The following PRPF19 variants were observed in gnomAD, a reference collection of about 807,000 sequenced individuals.
The protein encoded by PRPF19 is pre-mRNA processing factor 19, also known as pre-mRNA-processing factor 19.
In PRPF19, 2 loss-of-function variants were observed where a neutral mutation model predicts 64.2. The observed-to-expected ratio is 0.03, with a 90% CI of 0.01 to 0.10. PRPF19 has a LOEUF of 0.10. PRPF19 is among the 10% of genes least tolerant of loss of function. The pLI, the probability that PRPF19 is intolerant of heterozygous loss-of-function variation, is 1.00. For synonymous variants in PRPF19, 226 were observed against 251.6 expected (o/e 0.90, Z 0.96); for missense variants, 314 against 650.0 (o/e 0.48, Z 5.62).
At chr11:60,892,481 T>C (rs564517405) in intron 15 of PRPF19, among the ~76,000 whole-genome samples, 2 of 152,302 alleles carry the variant, frequency 1.3e-5, no homozygotes, top group African/African-American at 4.8e-5. Flanking sequence ...TGGTTCAACT[T>C]GCAATATTTT....
At position 60,898,688 on chromosome 11, in the gene PRPF19, C is replaced by A; in HGVS notation, c.1055-62G>T. ...CACCAGGGAGAGAGACTAAGAGCAGCAAAGGTAGGTTCCTTGTTCTTCACA... is the reference window on the plus strand; with the variant it reads ...CACCAGGGAGAGAGACTAAGAGCAGAAAAGGTAGGTTCCTTGTTCTTCACA... On this transcript the variant is annotated intron_variant, in intron 12 of 15. Coordinates refer to ENST00000227524, the MANE Select transcript of PRPF19 (RefSeq NM_014502.5). This position sits in a 1 kb window ranked among gnomAD's most constrained non-coding sequence, Gnocchi z 4.6. The A allele has an allele frequency of 6.2e-7, 1 of 1,610,848 alleles. No individual in the cohort carries two copies.
chr11:60,890,599 AAG>A lies in PRPF19; in HGVS notation c.*565_*566del. The A allele has an allele frequency of 3.2e-6, 1 of 313,372 alleles. No individual in the cohort carries two copies. Among genetic ancestry groups the A allele is most frequent in the Non-Finnish European group, 6.4e-6 (1 of 156,982 alleles). 19.4% of individuals were successfully genotyped at this position (313,372 alleles called of 1,614,324 possible). On this transcript the variant is annotated 3_prime_UTR_variant, in exon 16 of 16. Coordinates refer to ENST00000227524, the MANE Select transcript of PRPF19 (RefSeq NM_014502.5). ...TGCTGTGCAATTAAAAAAAAAAAAA[AAG>A]GGTAAGAGCTGTGAAAGGAAAGGAA...
chr11:60,904,918 T>TA (rs1373509101), intron 1 of PRPF19, among the ~76,000 whole-genome samples: 4 of 152,190 alleles, frequency 2.6e-5, no homozygotes, highest in Admixed American at 6.5e-5. Context: ...TAATACCCTT[T>TA]AGTCTTCCTA....
At chr11:60,891,396 G>C in intron 15 of PRPF19, 133 bp from the exon 16 acceptor site, 1 of 693,062 alleles carries the variant, frequency 1.4e-6, no homozygotes, top group Non-Finnish European at 2.5e-6. Context: ...GCTCCTGTTT[G>C]TTTTCCCTAG....
In PRPF19 at chr11:60,898,985, T is replaced by C. The variant is rs1171676927; in HGVS notation, c.985-54A>G. On this transcript the variant is annotated intron_variant, in intron 11 of 15. Coordinates refer to ENST00000227524, the MANE Select transcript of PRPF19 (RefSeq NM_014502.5). The surrounding 1 kb of genome is among the most constrained non-coding windows in gnomAD (Gnocchi z 4.6). ...CAGTGAGAAAGTGGGTCCCAGGTTCTGGTGGCCCTTCAGCAAGACAGAGCC... is the reference window on the plus strand; with the variant it reads ...CAGTGAGAAAGTGGGTCCCAGGTTCCGGTGGCCCTTCAGCAAGACAGAGCC... The C allele has an allele frequency of 6.5e-7, 1 of 1,528,680 alleles. No individual in the cohort carries two copies. Among genetic ancestry groups the C allele is most frequent in the Non-Finnish European group, 8.9e-7 (1 of 1,125,128 alleles). The allele number at this position is 1,528,680 out of a possible 1,614,324, so 94.7% of individuals were successfully genotyped here.
In PRPF19 at chr11:60,902,733, G is replaced by C; in HGVS notation, c.388+7C>G. On this transcript the variant is annotated splice_region_variant and intron_variant, in intron 4 of 15. Coordinates refer to ENST00000227524, the MANE Select transcript of PRPF19 (RefSeq NM_014502.5). The surrounding 1 kb of genome is among the most constrained non-coding windows in gnomAD (Gnocchi z 5.0). The stretch of plus-strand genomic sequence containing the variant: ...CAGGGTGGGGGATGGCAGGGGAGAG[G>C]CTGCACCTTCTCGGGCAGCAGTGAC... The C allele has an allele frequency of 6.2e-7, 1 of 1,614,204 alleles. No individual in the cohort carries two copies. Among genetic ancestry groups the C allele is most frequent in the Admixed American group, 1.7e-5 (1 of 60,028 alleles).
rs535292064 is a variant in PRPF19, at chr11:60,901,320, T to C, written c.617A>G (p.Lys206Arg). ...CACGTGGGATGCCACCTGCCGGTAT[T>C]TGCTGAGCTCTTCTGGCTTCACCAG... Reference protein sequence around the residue: ...EELVKPEELSKYRQVASHVGL... With the variant: ...EELVKPEELSRYRQVASHVGL... Residue 206 changes from lysine (K) to arginine (R), a missense_variant, in exon 8 of 16, where the codon AAA becomes AGA. Lys to Arg is a conservative substitution (Grantham distance 26, BLOSUM62 2). Transcript: ENST00000227524. 22 of 1,614,060 alleles carry C rather than the reference T, an allele frequency of 1.4e-5. No individual in the cohort carries two copies. Among genetic ancestry groups the C allele is most frequent in the South Asian group, 2.2e-5 (2 of 91,082 alleles).
At chr11:60,904,986 G>C (rs935080202) in intron 1 of PRPF19, among the ~76,000 whole-genome samples, 2 of 152,176 alleles carry the variant, frequency 1.3e-5, no homozygotes, top group African/African-American at 4.8e-5. Flanking sequence ...CAACTGATTA[G>C]CGTACAGACA....
Position 60,898,430 on chromosome 11 carries a change from C to A in PRPF19, c.1140+111G>T. ...CACCATCATATCACACACGCACAGC[C>A]AGTGTCTCTCCACCTTCAGGGCCAG... is the stretch of plus-strand genomic sequence containing the variant. On this transcript the variant is annotated intron_variant, in intron 13 of 15. Coordinates refer to ENST00000227524, the MANE Select transcript of PRPF19 (RefSeq NM_014502.5). The surrounding 1 kb of genome is among the most constrained non-coding windows in gnomAD (Gnocchi z 4.6). 2 of 1,561,444 alleles carry A rather than the reference C, an allele frequency of 1.3e-6. No individual in the cohort carries two copies. Among genetic ancestry groups the A allele is most frequent in the Admixed American group, 1.8e-5 (1 of 55,198 alleles).
At chr11:60,904,643 TATTA>T (rs1415226164) in intron 1 of PRPF19, among the ~76,000 whole-genome samples, 22 of 68,852 alleles carry the variant, frequency 3.2e-4, no homozygotes, top group Non-Finnish European at 7.9e-4. Context: ...TTGTAAAGGA[TATTA>T]CAAAGGATAC....
chr11:60,902,439 A>G lies in PRPF19; in HGVS notation c.489T>C (p.Gly163=), dbSNP rs762733296. 5 of 1,613,928 alleles carry G rather than the reference A, an allele frequency of 3.1e-6. No individual in the cohort carries two copies. The Admixed American group carries it at 8.3e-5, about 27-fold the overall frequency. ...TCTCTGGGGTCATTCCCACCAGCTC[A>G]CCCAAATCCATTGGCTCACCCGCAC... ...VVGAGEPMDL[G]ELVGMTPEII... Residue 163 remains glycine, a synonymous_variant, in exon 6 of 16, where the codon GGT becomes GGC. Transcript: ENST00000227524. The surrounding 1 kb of genome is among the most constrained non-coding windows in gnomAD (Gnocchi z 5.0).
rs377348006 is a variant in PRPF19, at chr11:60,891,256, G to A, written c.1425C>T (p.Ser475=). The A allele has an allele frequency of 1.6e-4, 264 of 1,613,156 alleles. 1 individual carries two copies. The South Asian group carries it at 1.9e-3, about 12-fold the overall frequency. ...CGAAGGCCACCCCTGTGGTCAGGCCGCTATGCTCTGAGGAGAAAGATAAGA... is the reference window on the plus strand; with the variant it reads ...CGAAGGCCACCCCTGTGGTCAGGCCACTATGCTCTGAGGAGAAAGATAAGA... The part of the protein sequence containing the change: ...WTEILHFTEH[S]GLTTGVAFGH... The change falls in exon 16 of 16, where the codon AGC becomes AGT. Residue 475 remains serine (S), a synonymous_variant. Coordinates refer to ENST00000227524, the MANE Select transcript of PRPF19 (RefSeq NM_014502.5).
intron 10 of PRPF19, 81 bp from the exon 11 acceptor site, chr11:60,899,385 T>A (rs1264373580): frequency 7.2e-7 from 1 of 1,388,644 alleles, no homozygotes; most frequent in Non-Finnish European, 9.9e-7. Flanking sequence ...GGGCTGGGGA[T>A]GCCCACAACT....
intron 15 of PRPF19, among the ~76,000 whole-genome samples, chr11:60,892,326 C>G (rs1855869924): frequency 6.6e-6 from 1 of 152,202 alleles, no homozygotes; most frequent in African/African-American, 2.4e-5. Context: ...TAAATTACAT[C>G]AGTGCCCAAA....
rs1278370869 is a variant in PRPF19 at position 60,903,850 on chromosome 11, C to T, written c.31G>A (p.Val11Met). ...GGGGATACACATGGGTGCTCCGGCA[C>T]TTCGTTAGAGACTGTAGAGAAAAGG... MSLICSISNE[V>M]PEHPCVSPVS... Residue 11 changes from valine to methionine, a missense_variant, in exon 2 of 16, where the codon GTG (valine) becomes ATG (methionine). Around this residue, in one of 7 missense-constraint regions of PRPF19, gnomAD observed 66 missense variants for 88.4 expected, o/e 0.75. Transcript: ENST00000227524. 6.2e-7 allele frequency: 1 copy of T among 1,609,052 alleles called. No homozygotes were observed. The highest frequency in any genetic ancestry group is 1.3e-5 in the African/African-American group (1 of 74,410).
intron 15 of PRPF19, among the ~76,000 whole-genome samples, chr11:60,892,035 C>A (rs989591129): frequency 3.9e-5 from 6 of 152,192 alleles, no homozygotes; most frequent in Non-Finnish European, 8.8e-5. Flanking sequence ...CATGTAGCAT[C>A]TTAAGTGAGC....
rs1254178928 is a variant in PRPF19 at position 60,900,642 on chromosome 11, G to A, written c.768C>T (p.Ile256=). 3 of 1,558,978 alleles carry A rather than the reference G, an allele frequency of 1.9e-6. No individual in the cohort carries two copies. The highest frequency in any genetic ancestry group is 2.6e-6 in the Non-Finnish European group (3 of 1,149,994). The change falls in exon 10 of 16, where the codon ATC becomes ATT. Residue 256 remains isoleucine, a synonymous_variant. Transcript: ENST00000227524. The stretch of plus-strand genomic sequence containing the variant: ...TGGTATGGCCTTTGAGGGTAGCCAG[G>A]ATTTGTTCAGAACTTTTGTCAAACA... ...VVVFDKSSEQ[I]LATLKGHTKK... is the part of the protein sequence containing the mutation.
In PRPF19 at chr11:60,901,448, C is replaced by A. The variant is rs77009549; in HGVS notation, c.567+51G>T. 2.9e-4 allele frequency: 475 copies of A among 1,613,850 alleles called. 2 individuals carry two copies. In the African/African-American group the frequency reaches 5.6e-3, roughly 19 times the overall value. On this transcript the variant is annotated intron_variant, in intron 7 of 15. Coordinates refer to ENST00000227524, the MANE Select transcript of PRPF19 (RefSeq NM_014502.5). ...CGCCCTCTCTCTCCTAAGGAGTCAA[C>A]CGCCTCCCACCAGGCCAGCTCTTTC...
chr11:60,897,951 C>T lies in PRPF19; in HGVS notation c.1312G>A (p.Val438Ile). The T allele has an allele frequency of 6.2e-7, 1 of 1,614,022 alleles. No homozygotes were observed. Among genetic ancestry groups the T allele is most frequent in the Non-Finnish European group, 8.5e-7 (1 of 1,179,932 alleles). The stretch of plus-strand genomic sequence containing the variant: ...CTCTGGTCAAAGATCAGTGACTTTA[C>T]CTGCCAGAAATAGAAAGAGAGAAGG... ...KTLQLDNNFEVKSLIFDQSGT... is the reference protein window; with the variant it reads ...KTLQLDNNFEIKSLIFDQSGT... Residue 438 changes from valine (V) to isoleucine (I), a missense_variant and splice_region_variant, in exon 15 of 16, where the codon GTA becomes ATA. By Grantham distance (29) the Val-to-Ile change is conservative. Around this residue, in one of 7 missense-constraint regions of PRPF19, gnomAD observed 47 missense variants for 94.5 expected, o/e 0.50. Transcript: ENST00000227524.
Sources: allele counts gnomAD v4.1 joint callset (sites outside exome capture counted in the v4.1 genomes callset), GRCh38; gene constraint gnomAD v4.1.1; regional missense constraint gnomAD v4.1.1; non-coding constraint Gnocchi (gnomAD v3.1); transcripts MANE v1.5; gene names NCBI Gene and HGNC (gene_info 2026-07-23, HGNC 2026-07-21).